Variants in CNTN4 observed in about 807,000 individuals in gnomAD.
CNTN4 encodes contactin 4, also known as contactin-4.
CNTN4 carries 77 observed loss-of-function variants against 122.5 expected under a neutral mutation model. The observed-to-expected ratio is 0.63, with a 90% confidence interval of 0.52 to 0.76. CNTN4 has a LOEUF of 0.76. CNTN4 is among the 30% of genes least tolerant of loss of function. The pLI, the probability that CNTN4 is intolerant of heterozygous loss-of-function variation, is 0.00. For synonymous variants in CNTN4, 512 were observed against 447.0 expected (o/e 1.15, Z -1.83); for missense variants, 1,256 against 1,259.1 (o/e 1.00, Z 0.04).
intron 3 of CNTN4, among the ~76,000 whole-genome samples, chr3:2,545,542 C>T (rs143240920): frequency 9.2e-4 from 139 of 151,364 alleles, no homozygotes; most frequent in Middle Eastern, 3.4e-3. Context: ...TCTAGCTGCC[C>T]TTGTCTTGGT....
intron 7 of CNTN4, among the ~76,000 whole-genome samples, chr3:2,831,508 G>T (rs1440712405): frequency 2.0e-5 from 3 of 152,210 alleles, no homozygotes; most frequent in Admixed American, 2.0e-4. Flanking sequence ...TGAAGTAGGT[G>T]GTGCTGCTAA....
intron 23 of CNTN4, among the ~76,000 whole-genome samples, chr3:3,051,681 C>T (rs1462235823): frequency 2.6e-5 from 4 of 152,138 alleles, no homozygotes; most frequent in Non-Finnish European, 4.4e-5. Context: ...AAGAAGGGGA[C>T]ACTTATGAAT....
chr3:2,336,588 T>C (rs2043964716), intron 2 of CNTN4, among the ~76,000 whole-genome samples: 2 of 152,158 alleles, frequency 1.3e-5, no homozygotes, highest in African/African-American at 4.8e-5. Context: ...CTAGTAACCA[T>C]TTAGTTGTAA....
intron 3 of CNTN4, among the ~76,000 whole-genome samples, chr3:2,428,843 C>A (rs538652555): frequency 6.6e-6 from 1 of 152,142 alleles, no homozygotes; most frequent in East Asian, 1.9e-4. Context: ...TTACTGATAC[C>A]CTGTCTTCCA....
At chr3:3,037,613 C>A (rs934975473) in intron 18 of CNTN4, 14 of 432,420 alleles carry the variant, frequency 3.2e-5, no homozygotes, top group Middle Eastern at 6.7e-4. Flanking sequence ...TCATTTGTCA[C>A]CAAGATTCTA....
chr3:2,774,674 A>G (rs1224326093), intron 6 of CNTN4, among the ~76,000 whole-genome samples: 3 of 151,912 alleles, frequency 2.0e-5, no homozygotes, highest in African/African-American at 7.3e-5. Context: ...ATAGAATAAC[A>G]CTCCTTCAGG....
chr3:2,720,520 T>C (rs1484847904), intron 4 of CNTN4, among the ~76,000 whole-genome samples: 1 of 152,198 alleles, frequency 6.6e-6, no homozygotes, highest in African/African-American at 2.4e-5. Flanking sequence ...GGTGGAAAGA[T>C]GTGCTTGCTC....
Position 2,881,515 on chromosome 3 carries a change from G to GAA in CNTN4, c.653-1615_653-1614dup, listed in dbSNP as rs1245876383. ...GCGACAGAGCAAGACTCAGTCTCAA[G>GAA]AAAAAAAAAAAAAAAACAGGCAAGG... On this transcript the variant is annotated intron_variant, in intron 8 of 24. Transcript: ENST00000418658. Among the ~76,000 whole-genome samples, 60 of 107,710 alleles carry GAA rather than the reference G, an allele frequency of 5.6e-4. 1 individual carries two copies. Among genetic ancestry groups the GAA allele is most frequent in the South Asian group, 5.1e-3 (17 of 3,352 alleles). The allele number at this position is 107,710 out of a possible 152,430, so 70.7% of individuals were successfully genotyped here. A position where few individuals can be genotyped will look rare whatever the true frequency, so the allele number is the denominator to read the frequency against.
chr3:3,019,183 T>C (rs1698043356), intron 14 of CNTN4, among the ~76,000 whole-genome samples: 1 of 152,192 alleles, frequency 6.6e-6, no homozygotes. Context: ...TAAAAGCCAC[T>C]AATTCAGGAA....
At chr3:2,533,442 G>A (rs1196374901) in intron 3 of CNTN4, among the ~76,000 whole-genome samples, 2 of 152,076 alleles carry the variant, frequency 1.3e-5, no homozygotes, top group Non-Finnish European at 2.9e-5. Context: ...CATCATCCAT[G>A]TCCCTACAAA....
At chr3:2,426,776 A>G (rs556505352) in intron 3 of CNTN4, among the ~76,000 whole-genome samples, 7 of 152,174 alleles carry the variant, frequency 4.6e-5, no homozygotes, top group African/African-American at 1.7e-4. Context: ...CAGGGATTCA[A>G]CTTCTTCCTG....
chr3:2,974,206 CA>C (rs1397745130), intron 13 of CNTN4, among the ~76,000 whole-genome samples: 1 of 152,130 alleles, frequency 6.6e-6, no homozygotes, highest in African/African-American at 2.4e-5. Flanking sequence ...GGGTTTTTAT[CA>C]CATTTATTTT....
chr3:2,680,870 T>G (rs930599888), intron 4 of CNTN4, among the ~76,000 whole-genome samples: 1 of 152,192 alleles, frequency 6.6e-6, no homozygotes, highest in Admixed American at 6.5e-5. Flanking sequence ...TGGTGGTAGA[T>G]TGACAAGTAC....
intron 2 of CNTN4, among the ~76,000 whole-genome samples, chr3:2,310,844 A>G (rs1385140041): frequency 1.3e-5 from 2 of 152,102 alleles, no homozygotes; most frequent in Non-Finnish European, 2.9e-5. Context: ...AATACTGAAA[A>G]ATTGTCTTAC....
intron 3 of CNTN4, among the ~76,000 whole-genome samples, chr3:2,509,059 A>G (rs1341555645): frequency 6.6e-6 from 1 of 152,244 alleles, no homozygotes; most frequent in Admixed American, 6.5e-5. Flanking sequence ...AAGATTAATC[A>G]AAGTAATTAC....
intron 13 of CNTN4, among the ~76,000 whole-genome samples, chr3:2,926,327 A>G (rs1210884090): frequency 6.6e-6 from 1 of 152,166 alleles, no homozygotes; most frequent in African/African-American, 2.4e-5. Flanking sequence ...TTTTTTTTCT[A>G]ATATCTAAAC....
intron 2 of CNTN4, among the ~76,000 whole-genome samples, chr3:2,242,030 CA>C (rs1172394416): frequency 6.6e-6 from 1 of 152,112 alleles, no homozygotes; most frequent in Non-Finnish European, 1.5e-5. Context: ...TCTGCATCTG[CA>C]TACATGGTCT....
intron 2 of CNTN4, among the ~76,000 whole-genome samples, chr3:2,338,437 T>C (rs2044046532): frequency 6.6e-6 from 1 of 151,966 alleles, no homozygotes; most frequent in African/African-American, 2.4e-5. Context: ...AGCTAATCTA[T>C]ATTATATATA....
At chr3:2,756,920 C>G (rs1404030811) in intron 6 of CNTN4, among the ~76,000 whole-genome samples, 1 of 152,120 alleles carries the variant, frequency 6.6e-6, no homozygotes, top group East Asian at 1.9e-4. Context: ...GCCATTCAAT[C>G]TGTGGTAACT....
Sources: gnomAD v4.1 joint callset for allele counts (sites outside exome capture counted in the v4.1 genomes callset) on GRCh38, gnomAD v4.1.1 for gene constraint, MANE v1.5 for transcripts, NCBI Gene and HGNC (gene_info 2026-07-23, HGNC 2026-07-21) for gene names.